RNF180: variants seen among roughly 807,000 people sequenced by gnomAD.
RNF180 encodes ring finger protein 180.
A neutral mutation model predicts 59.2 loss-of-function variants in RNF180; 38 were observed. The ratio of observed to expected loss-of-function variants is 0.64; its 90% CI spans 0.50 to 0.84. The LOEUF (loss-of-function observed/expected upper bound fraction) is 0.84, where lower values mean the gene tolerates loss of function less well. Ranked by LOEUF, RNF180 falls within the 40% of genes least tolerant of loss-of-function variation. The pLI, the probability that RNF180 is intolerant of heterozygous loss-of-function variation, is 0.00. For synonymous variants in RNF180, 262 were observed against 240.3 expected (o/e 1.09, Z -0.84); for missense variants, 705 against 700.9 (o/e 1.01, Z -0.07).
chr5:64,327,935 T>G (rs2112530081), intron 6 of RNF180, among the ~76,000 whole-genome samples: 1 of 152,324 alleles, frequency 6.6e-6, no homozygotes, highest in East Asian at 1.9e-4. Context: ...TGCTTTTATC[T>G]GGGTGTTCCA....
intron 7 of RNF180, among the ~76,000 whole-genome samples, chr5:64,369,180 AATC>A (rs1746563144): frequency 6.6e-6 from 1 of 152,002 alleles, no homozygotes; most frequent in Non-Finnish European, 1.5e-5. Context: ...TGAAATAGGA[AATC>A]ATCATTCTCA....
At chr5:64,317,301 C>G (rs1425902366) in intron 5 of RNF180, among the ~76,000 whole-genome samples, 1 of 151,906 alleles carries the variant, frequency 6.6e-6, no homozygotes, top group Non-Finnish European at 1.5e-5. Context: ...TTATACTGTT[C>G]TGTAGTCTAT....
chr5:64,281,038 A>G (rs1181175479), intron 5 of RNF180, among the ~76,000 whole-genome samples: 2 of 152,210 alleles, frequency 1.3e-5, no homozygotes, highest in African/African-American at 4.8e-5. Flanking sequence ...GGTTAGCTGT[A>G]TTCCTAGGTA....
chr5:64,286,009 C>T (rs1362725616), intron 5 of RNF180, among the ~76,000 whole-genome samples: 2 of 152,078 alleles, frequency 1.3e-5, no homozygotes, highest in African/African-American at 4.8e-5. Context: ...CCCACCTGCT[C>T]AACCCCCCCT....
intron 5 of RNF180, among the ~76,000 whole-genome samples, chr5:64,283,603 TGATATGAAG>T (rs1742124025): frequency 6.6e-6 from 1 of 152,128 alleles, no homozygotes; most frequent in Non-Finnish European, 1.5e-5. Context: ...GATGTTCTCA[TGATATGAAG>T]GAGTTCTCAT....
At chr5:64,361,520 T>G (rs1746252010) in intron 7 of RNF180, among the ~76,000 whole-genome samples, 1 of 151,468 alleles carries the variant, frequency 6.6e-6, no homozygotes, top group South Asian at 2.1e-4. Context: ...CCTTGAAGAG[T>G]ACAATTTTCA....
chr5:64,214,876 T>C (rs1182472511), intron 4 of RNF180, among the ~76,000 whole-genome samples: 1 of 152,118 alleles, frequency 6.6e-6, no homozygotes, highest in African/African-American at 2.4e-5. Flanking sequence ...AAAAATGTTT[T>C]TTTTAAATTT....
At position 64,207,848 on chromosome 5, in the gene RNF180, AC is replaced by A. The variant is rs562355318; in HGVS notation, c.136-4216del. Reference sequence around the variant, plus strand: ...ACAATTAATAATGTTAATTTAAATGACATTTTTGTTACATAGTCTTTTCCCT... The same window carrying A: ...ACAATTAATAATGTTAATTTAAATGAATTTTTGTTACATAGTCTTTTCCCT... On this transcript the variant is annotated intron_variant, in intron 2 of 7. Transcript: ENST00000389100. Among the ~76,000 whole-genome samples the A allele has an allele frequency of 3.3e-5, 5 of 152,262 alleles. 1 individual carries two copies. In the South Asian group the frequency reaches 1.0e-3, roughly 32 times the overall value.
chr5:64,253,296 C>G (rs1324148191), intron 5 of RNF180, among the ~76,000 whole-genome samples: 1 of 152,094 alleles, frequency 6.6e-6, no homozygotes, highest in Non-Finnish European at 1.5e-5. Flanking sequence ...GTTTCTATCT[C>G]CTGTAAAATA....
intron 5 of RNF180, among the ~76,000 whole-genome samples, chr5:64,278,051 C>CTA (rs969494099): frequency 6.6e-6 from 1 of 152,060 alleles, no homozygotes; most frequent in African/African-American, 2.4e-5. Context: ...TCATTGTTTG[C>CTA]TATAATGTGT....
At chr5:64,166,416 C>A (rs1372926478) in intron 1 of RNF180, among the ~76,000 whole-genome samples, 3 of 152,216 alleles carry the variant, frequency 2.0e-5, no homozygotes, top group Non-Finnish European at 2.9e-5. Context: ...TGCACGGTTC[C>A]ACTTTCCTTT....
chr5:64,291,416 C>CTTTTTTTT (rs1207692101), intron 5 of RNF180, among the ~76,000 whole-genome samples: 1 of 71,794 alleles, frequency 1.4e-5, no homozygotes, highest in Non-Finnish European at 2.6e-5. Context: ...AGTATGTTTT[C>CTTTTTTTT]TTTTTTTTTT....
chr5:64,166,666 C>T (rs1749658308), intron 1 of RNF180, among the ~76,000 whole-genome samples: 1 of 152,180 alleles, frequency 6.6e-6, no homozygotes, highest in Non-Finnish European at 1.5e-5. Context: ...GTAAGTGTAT[C>T]TGTGAGAGCA....
intron 5 of RNF180, among the ~76,000 whole-genome samples, chr5:64,252,150 A>G (rs936986720): frequency 6.6e-6 from 1 of 152,238 alleles, no homozygotes; most frequent in African/African-American, 2.4e-5. Flanking sequence ...TATAGCAACC[A>G]AAACCACATA....
At chr5:64,196,208 C>A (rs541590983) in intron 1 of RNF180, among the ~76,000 whole-genome samples, 1 of 151,134 alleles carries the variant, frequency 6.6e-6, no homozygotes, top group East Asian at 1.9e-4. Flanking sequence ...TTTTTTCCCA[C>A]CATTAACGCT....
intron 5 of RNF180, among the ~76,000 whole-genome samples, chr5:64,243,942 G>A (rs564047303): frequency 6.6e-6 from 1 of 152,228 alleles, no homozygotes; most frequent in Non-Finnish European, 1.5e-5. Context: ...TGATACCCAG[G>A]CAAACAGGGT....
rs1249519295 is a variant in RNF180, at chr5:64,214,331, G to A, written c.1005G>A (p.Leu335=). 6.2e-7 allele frequency: 1 copy of A among 1,613,998 alleles called. No individual in the cohort carries two copies. Among genetic ancestry groups the A allele is most frequent in the Non-Finnish European group, 8.5e-7 (1 of 1,179,962 alleles). ...ACAATCTGACTTTCCTGATGGACCT[G>A]CCCTCAGCTGGCAGGAGCATGCCGG... The part of the protein sequence containing the change: ...NTNNLTFLMD[L]PSAGRSMPEA... The change falls in exon 4 of 8, where the codon CTG becomes CTA. Residue 335 remains leucine, a synonymous_variant. Coordinates refer to ENST00000389100, the MANE Select transcript of RNF180 (RefSeq NM_001113561.2).
At chr5:64,199,928 TGTA>T (rs1751652602) in intron 1 of RNF180, among the ~76,000 whole-genome samples, 1 of 152,184 alleles carries the variant, frequency 6.6e-6, no homozygotes, top group Admixed American at 6.5e-5. Flanking sequence ...ATATACAAGA[TGTA>T]GTATATAGTT....
chr5:64,314,213 G>T (rs1241910348), intron 5 of RNF180, among the ~76,000 whole-genome samples: 1 of 152,004 alleles, frequency 6.6e-6, no homozygotes, highest in Non-Finnish European at 1.5e-5. Context: ...TCAGATTTTG[G>T]ATTTTTGGAT....
Sources: gnomAD v4.1 joint callset for allele counts (sites outside exome capture counted in the v4.1 genomes callset) on GRCh38, gnomAD v4.1.1 for gene constraint, MANE v1.5 for transcripts, NCBI Gene and HGNC (gene_info 2026-07-23, HGNC 2026-07-21) for gene names.